The following KCNIP4 variants were observed in gnomAD, a reference collection of about 807,000 sequenced individuals.
The protein encoded by KCNIP4 is potassium voltage-gated channel interacting protein 4, also known as Kv channel-interacting protein 4.
Under a neutral mutation model 34.0 loss-of-function variants are expected in KCNIP4, and 12 were observed. That is an observed-to-expected ratio of 0.35 (90% confidence interval 0.23 to 0.57). The LOEUF is 0.57. KCNIP4 is among the 20% of genes least tolerant of loss of function. KCNIP4 has a pLI of 0.83. For missense variants in KCNIP4, 238 were observed against 311.7 expected, an observed-to-expected ratio of 0.76 and a Z score of 1.78; for synonymous variants, 124 against 102.2, an observed-to-expected ratio of 1.21 and a Z score of -1.29.
chr4:21,529,207 C>G (rs182601964), intron 1 of KCNIP4, among the ~76,000 whole-genome samples: 1 of 152,106 alleles, frequency 6.6e-6, no homozygotes, highest in Non-Finnish European at 1.5e-5. Flanking sequence ...TTGCTGACCC[C>G]TACTATAGAC....
chr4:21,630,586 C>T (rs901596664), intron 1 of KCNIP4, among the ~76,000 whole-genome samples: 3 of 152,084 alleles, frequency 2.0e-5, no homozygotes, highest in African/African-American at 7.2e-5. Flanking sequence ...TTTCCCCGGA[C>T]CCTGCTGGTT....
intron 1 of KCNIP4, among the ~76,000 whole-genome samples, chr4:21,017,595 T>A (rs1237954004): frequency 6.6e-6 from 1 of 152,204 alleles, no homozygotes; most frequent in Non-Finnish European, 1.5e-5. Flanking sequence ...CTATCATCGA[T>A]GGGCATTTGG....
chr4:21,653,136 G>A (rs1747643196), intron 1 of KCNIP4, among the ~76,000 whole-genome samples: 1 of 152,144 alleles, frequency 6.6e-6, no homozygotes, highest in South Asian at 2.1e-4. Flanking sequence ...GTGTGTGTGT[G>A]CATGCATATT....
intron 4 of KCNIP4, among the ~76,000 whole-genome samples, chr4:20,754,414 A>T (rs1201064836): frequency 6.6e-6 from 1 of 152,188 alleles, no homozygotes; most frequent in Non-Finnish European, 1.5e-5. Flanking sequence ...TTGCATTCAG[A>T]CCATCATCCT....
intron 1 of KCNIP4, among the ~76,000 whole-genome samples, chr4:21,569,650 CAG>C (rs1740209181): frequency 6.6e-6 from 1 of 152,050 alleles, no homozygotes; most frequent in Non-Finnish European, 1.5e-5. Flanking sequence ...TTCTATTAAT[CAG>C]AGTCTGGTGT....
chr4:21,117,300 CGGGGGGGGGG>C (rs372039728), intron 1 of KCNIP4, among the ~76,000 whole-genome samples: 1,706 of 32,640 alleles, frequency 0.052, 159 homozygotes, highest in African/African-American at 0.13. Context: ...CCGGGGTTGC[CGGGGGGGGGG>C]GGGGGGGGGC....
chr4:21,694,914 C>CAAA lies in KCNIP4; in HGVS notation c.61+253654_61+253656dup, dbSNP rs368053041. Among the ~76,000 whole-genome samples, 46 of 46,516 alleles carry CAAA rather than the reference C, an allele frequency of 9.9e-4. 2 individuals are homozygous for CAAA. Among genetic ancestry groups the CAAA allele is most frequent in the African/African-American group, 2.9e-3 (44 of 15,254 alleles). The allele number at this position is 46,516 out of a possible 152,430, so 30.5% of individuals were successfully genotyped here. ...CGTTTCCTCAGATAACACGATTGAC[C>CAAA]AAAAAAAAAAAAAAAATAAAAATAA... On this transcript the variant is annotated intron_variant, in intron 1 of 8. Coordinates refer to ENST00000382152, the MANE Select transcript of KCNIP4 (RefSeq NM_025221.6).
chr4:20,925,977 A>C (rs1201339925), intron 1 of KCNIP4, among the ~76,000 whole-genome samples: 1 of 152,222 alleles, frequency 6.6e-6, no homozygotes, highest in Middle Eastern at 3.2e-3. Context: ...AAGTGCCCAA[A>C]GTTGTTTTTG....
intron 1 of KCNIP4, among the ~76,000 whole-genome samples, chr4:21,653,159 T>C (rs995107673): frequency 6.6e-5 from 10 of 152,212 alleles, no homozygotes; most frequent in African/African-American, 2.2e-4. Flanking sequence ...TGCATTGCAA[T>C]GTATCTGTTT....
chr4:21,347,085 C>G (rs532855961), intron 1 of KCNIP4, among the ~76,000 whole-genome samples: 1 of 152,112 alleles, frequency 6.6e-6, no homozygotes, highest in South Asian at 2.1e-4. Flanking sequence ...GTGTGACCTG[C>G]GCAAGTGAAC....
At chr4:21,588,710 A>G (rs1351080267) in intron 1 of KCNIP4, among the ~76,000 whole-genome samples, 1 of 151,938 alleles carries the variant, frequency 6.6e-6, no homozygotes, top group Non-Finnish European at 1.5e-5. Flanking sequence ...AATACATTAT[A>G]CCCTAACTGT....
chr4:21,370,836 TATATATATATATATACACACAC>T lies in KCNIP4; in HGVS notation c.62-488149_62-488128del, dbSNP rs1440302772. Among the ~76,000 whole-genome samples the T allele has an allele frequency of 4.1e-4, 13 of 31,684 alleles. No homozygotes were observed. The East Asian group carries it at 0.012, about 30-fold the overall frequency. The allele number at this position is 31,684 out of a possible 152,430, so 20.8% of individuals were successfully genotyped here. Reference sequence around the variant, plus strand: ...ATATATATATATATATATATATATATATATATATATATATACACACACACACACACACACACACACACACACG... The same window carrying T: ...ATATATATATATATATATATATATATACACACACACACACACACACACACG... On this transcript the variant is annotated intron_variant, in intron 1 of 8. Coordinates refer to ENST00000382152, the MANE Select transcript of KCNIP4 (RefSeq NM_025221.6).
intron 5 of KCNIP4, among the ~76,000 whole-genome samples, chr4:20,741,456 C>T (rs902210614): frequency 2.6e-5 from 4 of 152,190 alleles, no homozygotes; most frequent in Admixed American, 1.3e-4. Context: ...GAACAACCTG[C>T]TCCTGAATGA....
intron 1 of KCNIP4, among the ~76,000 whole-genome samples, chr4:21,171,903 A>G (rs755502790): frequency 2.0e-5 from 3 of 152,144 alleles, no homozygotes; most frequent in Non-Finnish European, 4.4e-5. Flanking sequence ...GGCAAGTGGG[A>G]ACTTGTGTTC....
chr4:21,714,816 T>TTTA (rs1714077445), intron 1 of KCNIP4, among the ~76,000 whole-genome samples: 11 of 3,878 alleles, frequency 2.8e-3, no homozygotes, highest in Admixed American at 4.1e-3. Context: ...TTTATTTTAT[T>TTTA]TTATTTTATT....
Position 21,201,529 on chromosome 4 carries a change from C to T in KCNIP4, c.62-318820G>A, listed in dbSNP as rs541996995. On this transcript the variant is annotated intron_variant, in intron 1 of 8. Transcript: ENST00000382152. Reference sequence around the variant, plus strand: ...ATTTTGTTTTTGAGATGGACTCTCGCTCTCTGTTGCTCAGGCTGGAGTGCA... The same window carrying T: ...ATTTTGTTTTTGAGATGGACTCTCGTTCTCTGTTGCTCAGGCTGGAGTGCA... 1.4e-3 allele frequency among the ~76,000 whole-genome samples: 217 copies of T among 152,302 alleles called. 3 individuals carry two copies. Among genetic ancestry groups the T allele is most frequent in the Non-Finnish European group, 1.1e-3 (73 of 68,026 alleles).
intron 1 of KCNIP4, among the ~76,000 whole-genome samples, chr4:21,382,898 C>CA (rs1410845909): frequency 1.3e-5 from 2 of 152,158 alleles, no homozygotes; most frequent in African/African-American, 4.8e-5. Flanking sequence ...TGATTACCAC[C>CA]ATTTGAATTG....
At chr4:21,057,802 A>T (rs575499912) in intron 1 of KCNIP4, among the ~76,000 whole-genome samples, 3 of 152,218 alleles carry the variant, frequency 2.0e-5, no homozygotes, top group Non-Finnish European at 4.4e-5. Context: ...AGCACAGGAT[A>T]AGAATTGTAA....
chr4:20,836,032 T>A (rs1718998809), intron 3 of KCNIP4, among the ~76,000 whole-genome samples: 1 of 152,250 alleles, frequency 6.6e-6, no homozygotes, highest in South Asian at 2.1e-4. Context: ...TACCCATTCT[T>A]TATTTTTCCT....
Sources: allele counts gnomAD v4.1 joint callset (sites outside exome capture counted in the v4.1 genomes callset), GRCh38; gene constraint gnomAD v4.1.1; transcripts MANE v1.5; gene names NCBI Gene and HGNC (gene_info 2026-07-23, HGNC 2026-07-21).